The following GRID2IP variants were observed in gnomAD, a reference collection of about 807,000 sequenced individuals.
GRID2IP encodes Grid2 interacting protein.
Under a neutral mutation model 114.3 loss-of-function variants are expected in GRID2IP, and 78 were observed. The observed-to-expected ratio is 0.68, with a 90% confidence interval of 0.57 to 0.82. The LOEUF is 0.82. GRID2IP is among the 40% of genes least tolerant of loss of function. GRID2IP has a pLI of 0.00. For synonymous variants in GRID2IP, 809 were observed against 724.0 expected (o/e 1.12, Z -1.89); for missense variants, 1,727 against 1,678.5 (o/e 1.03, Z -0.51).
At position 6,501,919 on chromosome 7, in the gene GRID2IP, G is replaced by A. The variant is rs370320647; in HGVS notation, c.3281-20C>T. On this transcript the variant is annotated intron_variant, in intron 19 of 21. Coordinates refer to ENST00000457091, the MANE Select transcript of GRID2IP (RefSeq NM_001145118.2). ...GGTTCACTGTAGGGAAGAGGACAGGGGCTGCATGGGGCCACTCTCCCAGCC... is the reference window on the plus strand; with the variant it reads ...GGTTCACTGTAGGGAAGAGGACAGGAGCTGCATGGGGCCACTCTCCCAGCC... 252 of 1,550,610 alleles carry A rather than the reference G, an allele frequency of 1.6e-4. 1 individual carries two copies. The African/African-American group carries it at 3.1e-3, about 19-fold the overall frequency.
In GRID2IP at chr7:6,523,613, G is replaced by C. The variant is rs1330241719; in HGVS notation, c.920-1656C>G. Among the ~76,000 whole-genome samples, 2 of 152,072 alleles carry C rather than the reference G, an allele frequency of 1.3e-5. No homozygotes were observed. The highest frequency in any genetic ancestry group is 4.8e-5 in the African/African-American group (2 of 41,404). The stretch of plus-strand genomic sequence containing the variant: ...AGACAGGGTCTTGCTCTGTCACCCA[G>C]GCTGGAGTGCAGTGGCATGATCATA... On this transcript the variant is annotated intron_variant, in intron 4 of 21. Coordinates refer to ENST00000457091, the MANE Select transcript of GRID2IP (RefSeq NM_001145118.2). This position sits in a 1 kb window ranked among gnomAD's most constrained non-coding sequence, Gnocchi z 4.5.
chr7:6,545,261 A>G (rs1411728698), intron 1 of GRID2IP, among the ~76,000 whole-genome samples: 1 of 152,114 alleles, frequency 6.6e-6, no homozygotes, highest in Non-Finnish European at 1.5e-5. Context: ...CCTGGGTGAC[A>G]GATCAAGACC....
At chr7:6,513,133 G>C (rs1779211399) in intron 8 of GRID2IP, among the ~76,000 whole-genome samples, 1 of 152,236 alleles carries the variant, frequency 6.6e-6, no homozygotes, top group Admixed American at 6.5e-5. Flanking sequence ...GTGCAAGAAA[G>C]AGTACACTGG....
chr7:6,543,236 A>G (rs1779839892), intron 1 of GRID2IP, among the ~76,000 whole-genome samples: 1 of 152,026 alleles, frequency 6.6e-6, no homozygotes, highest in South Asian at 2.1e-4. Flanking sequence ...CTCTACTACA[A>G]ATACAAAAAT....
intron 15 of GRID2IP, 101 bp from the exon 16 acceptor site, chr7:6,503,788 G>A (rs1190233800): frequency 6.1e-6 from 5 of 823,012 alleles, no homozygotes; most frequent in African/African-American, 3.7e-5. Flanking sequence ...GGGCGGACAC[G>A]GGGCGGGGCC....
At chr7:6,549,775 C>CCA (rs1447215041) in intron 1 of GRID2IP, among the ~76,000 whole-genome samples, 2 of 151,694 alleles carry the variant, frequency 1.3e-5, no homozygotes, top group African/African-American at 4.9e-5. Flanking sequence ...GCGCGCGCCA[C>CCA]CACACCTGGC....
chr7:6,531,186 C>T (rs909009548), intron 2 of GRID2IP: 5 of 482,904 alleles, frequency 1.0e-5, no homozygotes, highest in Non-Finnish European at 1.8e-5. Flanking sequence ...GCCGCGACTC[C>T]ACGCACCTCT....
In GRID2IP at chr7:6,509,114, G is replaced by GGGGGGGC; in HGVS notation, c.1970_1971insGCCCCCC (p.Asp657GlufsTer26). 8.9e-7 allele frequency: 1 copy of GGGGGGGC among 1,119,864 alleles called. No homozygotes were observed. The highest frequency in any genetic ancestry group is 1.3e-6 in the Non-Finnish European group (1 of 787,286). The allele number at this position is 1,119,864 out of a possible 1,614,324, so 69.4% of individuals were successfully genotyped here. ...TCCTGCGGCTGGGCGGGCGGGTGGG[G>GGGGGGGC]TCCGGGCTTGGGGGGCTGTCGGGGC... On this transcript the variant is annotated frameshift_variant, in exon 12 of 22. Transcript: ENST00000457091. LOFTEE classifies it high-confidence loss of function. The surrounding 1 kb of genome is among the most constrained non-coding windows in gnomAD (Gnocchi z 4.9).
intron 7 of GRID2IP, among the ~76,000 whole-genome samples, chr7:6,517,112 T>C (rs1779322063): frequency 2.0e-5 from 3 of 151,564 alleles, no homozygotes; most frequent in South Asian, 2.1e-4. Flanking sequence ...TGGAGTGCAG[T>C]GGCACAATCT....
At chr7:6,500,052 A>T (rs1786368306) in intron 20 of GRID2IP, among the ~76,000 whole-genome samples, 1 of 151,738 alleles carries the variant, frequency 6.6e-6, no homozygotes, top group Admixed American at 6.6e-5. Flanking sequence ...CTTGAATGTG[A>T]CCATCCATCT....
chr7:6,527,147 G>T (rs1779531136), intron 2 of GRID2IP, among the ~76,000 whole-genome samples: 1 of 151,940 alleles, frequency 6.6e-6, no homozygotes, highest in South Asian at 2.1e-4. Flanking sequence ...CTGAGCCAGG[G>T]ATCCCCACCA....
At chr7:6,502,659 T>C in intron 18 of GRID2IP, 127 bp downstream of exon 18, 1 of 405,786 alleles carries the variant, frequency 2.5e-6, no homozygotes, top group South Asian at 1.9e-5. Flanking sequence ...GCCCTTTTCC[T>C]GCTAGGAGGA....
At chr7:6,545,558 G>A (rs1004783245) in intron 1 of GRID2IP, among the ~76,000 whole-genome samples, 3 of 152,166 alleles carry the variant, frequency 2.0e-5, no homozygotes. Context: ...AGGAGAAGTA[G>A]CGGGAAGCTT....
rs1786589013 is a variant in GRID2IP, at chr7:6,506,424, G to T, written c.2545-517C>A. Among the ~76,000 whole-genome samples, 1 of 152,186 alleles carries T rather than the reference G, an allele frequency of 6.6e-6. No individual in the cohort carries two copies. The highest frequency in any genetic ancestry group is 2.1e-4 in the South Asian group (1 of 4,834). On this transcript the variant is annotated intron_variant, in intron 13 of 21. Coordinates refer to ENST00000457091, the MANE Select transcript of GRID2IP (RefSeq NM_001145118.2). The surrounding 1 kb of genome is among the most constrained non-coding windows in gnomAD (Gnocchi z 5.2). Reference sequence around the variant, plus strand: ...GGGCTGGGGCAGGGAGTGCGGACGGGGTGGCTGCCAAAGGGAGAGAACCCA... The same window carrying T: ...GGGCTGGGGCAGGGAGTGCGGACGGTGTGGCTGCCAAAGGGAGAGAACCCA...
Position 6,516,197 on chromosome 7 carries a change from C to CA in GRID2IP, c.1269-1669dup, listed in dbSNP as rs1388468223. ...GGGAAGAGCTTAAAATTTCAAAAGC[C>CA]AAAACTGTGGGCGGCAAGCCACCCA... On this transcript the variant is annotated intron_variant, in intron 7 of 21. Coordinates refer to ENST00000457091, the MANE Select transcript of GRID2IP (RefSeq NM_001145118.2). The surrounding 1 kb of genome is among the most constrained non-coding windows in gnomAD (Gnocchi z 4.3). Among the ~76,000 whole-genome samples the CA allele has an allele frequency of 2.6e-5, 4 of 151,594 alleles. No individual in the cohort carries two copies. The highest frequency in any genetic ancestry group is 7.2e-5 in the African/African-American group (3 of 41,382).
intron 14 of GRID2IP, among the ~76,000 whole-genome samples, chr7:6,505,303 T>C (rs1036788239): frequency 2.0e-5 from 3 of 151,358 alleles, no homozygotes; most frequent in African/African-American, 7.3e-5. Context: ...AGAGTTGCCA[T>C]GGGATTTAGA....
rs1430824910 is a variant in GRID2IP at position 6,534,470 on chromosome 7, T to G, written c.584+5248A>C. 6.6e-6 allele frequency among the ~76,000 whole-genome samples: 1 copy of G among 152,144 alleles called. No individual in the cohort carries two copies. The highest frequency in any genetic ancestry group is 1.5e-5 in the Non-Finnish European group (1 of 68,036). The stretch of plus-strand genomic sequence containing the variant: ...CAAATTAGCCTCCCAGTCGCAGGAT[T>G]AACTGTTGTGGTGAAGGAATAGGAG... On this transcript the variant is annotated intron_variant, in intron 2 of 21. Transcript: ENST00000457091. The surrounding 1 kb of genome is among the most constrained non-coding windows in gnomAD (Gnocchi z 4.5).
At chr7:6,503,411 G>A (rs1004287779) in intron 16 of GRID2IP, 80 bp downstream of exon 16, 7 of 1,341,490 alleles carry the variant, frequency 5.2e-6, no homozygotes, top group Non-Finnish European at 6.9e-6. Flanking sequence ...GAAGGCGCGC[G>A]GGACCCCAGC....
In GRID2IP at chr7:6,528,308, C is replaced by A. The variant is rs1008335522; in HGVS notation, c.585-1539G>T. Among the ~76,000 whole-genome samples, 4 of 152,218 alleles carry A rather than the reference C, an allele frequency of 2.6e-5. No individual in the cohort carries two copies. Among genetic ancestry groups the A allele is most frequent in the African/African-American group, 9.6e-5 (4 of 41,454 alleles). On this transcript the variant is annotated intron_variant, in intron 2 of 21. Coordinates refer to ENST00000457091, the MANE Select transcript of GRID2IP (RefSeq NM_001145118.2). This position sits in a 1 kb window ranked among gnomAD's most constrained non-coding sequence, Gnocchi z 6.0. ...AACAGGAGATCCACCAGCAGCCTAACCCCATCTCTGAGTAATGGCAGCAGT... is the reference window on the plus strand; with the variant it reads ...AACAGGAGATCCACCAGCAGCCTAAACCCATCTCTGAGTAATGGCAGCAGT...
Sources: gnomAD v4.1 joint callset for allele counts (sites outside exome capture counted in the v4.1 genomes callset) on GRCh38, gnomAD v4.1.1 for gene constraint, Gnocchi (gnomAD v3.1) non-coding constraint, MANE v1.5 for transcripts, NCBI Gene and HGNC (gene_info 2026-07-23, HGNC 2026-07-21) for gene names.